The following CSGALNACT1 variants were observed in gnomAD, a reference collection of about 807,000 sequenced individuals.
CSGALNACT1 encodes beta4GalNAcT-1.
Under a neutral mutation model 51.0 loss-of-function variants are expected in CSGALNACT1, and 52 were observed. The ratio of observed to expected loss-of-function variants is 1.02; its 90% CI spans 0.82 to 1.29. The LOEUF is 1.29. Among genes scored for constraint, CSGALNACT1 ranks in the 50% most tolerant of loss-of-function variants. CSGALNACT1 has a pLI of 0.00. For missense variants in CSGALNACT1, 935 were observed against 679.2 expected (o/e 1.38, Z -4.19); for synonymous variants, 341 against 254.4 (o/e 1.34, Z -3.24).
intron 1 of CSGALNACT1, among the ~76,000 whole-genome samples, chr8:19,641,563 C>T (rs1479823524): frequency 2.0e-5 from 3 of 152,096 alleles, no homozygotes; most frequent in African/African-American, 7.2e-5. Flanking sequence ...AAAAGAAGTA[C>T]ATTGTAAAAA....
intron 1 of CSGALNACT1, among the ~76,000 whole-genome samples, chr8:19,661,727 T>C (rs2154190950): frequency 6.6e-6 from 1 of 152,294 alleles, no homozygotes; most frequent in South Asian, 2.1e-4. Context: ...GGCCATTCCT[T>C]TCCATGAATC....
chr8:19,600,638 A>G (rs967706407), intron 2 of CSGALNACT1, among the ~76,000 whole-genome samples: 8 of 152,012 alleles, frequency 5.3e-5, no homozygotes, highest in Non-Finnish European at 1.0e-4. Flanking sequence ...TCCTTCAGTT[A>G]TTTTTGTTTG....
At chr8:19,436,934 A>G (rs887049039) in intron 6 of CSGALNACT1, among the ~76,000 whole-genome samples, 3 of 152,138 alleles carry the variant, frequency 2.0e-5, no homozygotes, top group African/African-American at 7.2e-5. Flanking sequence ...ACACATTACT[A>G]TGTGCACAAA....
Position 19,498,925 on chromosome 8 carries a change from G to A in CSGALNACT1, c.634+6276C>T, listed in dbSNP as rs545253682. On this transcript the variant is annotated intron_variant, in intron 4 of 9. Coordinates refer to ENST00000454498, the Ensembl canonical transcript of CSGALNACT1. ...GGCCAGGAGCTCAAGACCAGCCTGCGAAATACAGTGAGACCCCATCTCTAT... is the reference window on the plus strand; with the variant it reads ...GGCCAGGAGCTCAAGACCAGCCTGCAAAATACAGTGAGACCCCATCTCTAT... Among the ~76,000 whole-genome samples the A allele has an allele frequency of 3.9e-5, 6 of 152,270 alleles. No homozygotes were observed. In the East Asian group the frequency reaches 5.8e-4, roughly 15 times the overall value.
intron 3 of CSGALNACT1, among the ~76,000 whole-genome samples, chr8:19,524,810 A>G (rs1334464961): frequency 6.6e-6 from 1 of 152,184 alleles, no homozygotes; most frequent in Non-Finnish European, 1.5e-5. Flanking sequence ...CAATGACAGA[A>G]CAGACATAAA....
intron 4 of CSGALNACT1, among the ~76,000 whole-genome samples, chr8:19,498,395 C>T (rs2075839200): frequency 6.6e-6 from 1 of 152,222 alleles, no homozygotes; most frequent in African/African-American, 2.4e-5. Flanking sequence ...AACAATGCCT[C>T]CTACCCAACA....
intron 3 of CSGALNACT1, among the ~76,000 whole-genome samples, chr8:19,563,801 C>G (rs904736306): frequency 6.6e-6 from 1 of 152,164 alleles, no homozygotes; most frequent in East Asian, 1.9e-4. Context: ...TAACTCCCAG[C>G]GACTCATACA....
chr8:19,416,408 C>A (rs976966489), intron 8 of CSGALNACT1, among the ~76,000 whole-genome samples: 6 of 152,016 alleles, frequency 3.9e-5, no homozygotes, highest in African/African-American at 1.5e-4. Flanking sequence ...CCACCACACC[C>A]GGCCAAGGAA....
intron 8 of CSGALNACT1, among the ~76,000 whole-genome samples, chr8:19,412,999 A>C (rs936944821): frequency 1.3e-5 from 2 of 152,186 alleles, no homozygotes; most frequent in Non-Finnish European, 2.9e-5. Context: ...AACAATTCTA[A>C]GACTCCGGGG....
chr8:19,666,890 A>AGAGAGAAAGT (rs1564384389), intron 1 of CSGALNACT1, among the ~76,000 whole-genome samples: 5 of 135,896 alleles, frequency 3.7e-5, no homozygotes, highest in East Asian at 4.5e-4. Context: ...AGAAAGAGAG[A>AGAGAGAAAGT]GAGGAAGTGA....
At chr8:19,432,144 G>C (rs1018241026) in intron 6 of CSGALNACT1, among the ~76,000 whole-genome samples, 7 of 152,108 alleles carry the variant, frequency 4.6e-5, no homozygotes, top group Non-Finnish European at 1.5e-5. Flanking sequence ...TTCATACAGG[G>C]CATGTTTATT....
At chr8:19,438,225 G>T (rs1043021407) in intron 6 of CSGALNACT1, among the ~76,000 whole-genome samples, 1 of 152,126 alleles carries the variant, frequency 6.6e-6, no homozygotes, top group African/African-American at 2.4e-5. Context: ...CTGCACTTAA[G>T]GGAGCAGCCC....
chr8:19,749,558 G>A (rs1403670159), intron 1 of CSGALNACT1, among the ~76,000 whole-genome samples: 1 of 152,052 alleles, frequency 6.6e-6, no homozygotes, highest in Non-Finnish European at 1.5e-5. Context: ...CATCTACCCT[G>A]GTCACCAAAC....
intron 3 of CSGALNACT1, among the ~76,000 whole-genome samples, chr8:19,535,046 G>T (rs1483133416): frequency 6.6e-6 from 1 of 152,130 alleles, no homozygotes; most frequent in Non-Finnish European, 1.5e-5. Context: ...TGAGTATCAG[G>T]GAGTATTTGG....
chr8:19,487,788 C>T (rs2073344102), intron 4 of CSGALNACT1, among the ~76,000 whole-genome samples: 1 of 152,048 alleles, frequency 6.6e-6, no homozygotes, highest in Non-Finnish European at 1.5e-5. Context: ...TAGAAAAGGG[C>T]TGTAGGTATC....
chr8:19,425,478 A>C (rs1428397430), intron 6 of CSGALNACT1, among the ~76,000 whole-genome samples: 1 of 152,102 alleles, frequency 6.6e-6, no homozygotes, highest in Non-Finnish European at 1.5e-5. Flanking sequence ...TAAAATGTAG[A>C]TTTACTGAGC....
At chr8:19,730,334 T>C (rs529783327) in intron 1 of CSGALNACT1, among the ~76,000 whole-genome samples, 1 of 152,276 alleles carries the variant, frequency 6.6e-6, no homozygotes, top group South Asian at 2.1e-4. Flanking sequence ...TGCGGTGGGA[T>C]TTGAAAATGC....
chr8:19,531,779 G>C (rs1563926876), intron 3 of CSGALNACT1: 1 of 152,122 alleles, frequency 6.6e-6, no homozygotes, highest in Non-Finnish European at 1.5e-5. Context: ...CAGTCTGCAG[G>C]GAGCACACCA....
At chr8:19,662,487 G>T (rs1031450055) in intron 1 of CSGALNACT1, among the ~76,000 whole-genome samples, 1 of 152,192 alleles carries the variant, frequency 6.6e-6, no homozygotes, top group African/African-American at 2.4e-5. Flanking sequence ...TAAACTGTTA[G>T]GCTGATGTTT....
Sources: allele counts gnomAD v4.1 joint callset (sites outside exome capture counted in the v4.1 genomes callset), GRCh38; gene constraint gnomAD v4.1.1; transcripts MANE v1.5; gene names NCBI Gene and HGNC (gene_info 2026-07-23, HGNC 2026-07-21).